IQSEC1: variants seen among roughly 807,000 people sequenced by gnomAD.
The protein encoded by IQSEC1 is IQ motif and SEC7 domain-containing protein 1.
In IQSEC1, 31 loss-of-function variants were observed where a neutral mutation model predicts 91.0. The ratio of observed to expected loss-of-function variants is 0.34; its 90% CI spans 0.26 to 0.46. The LOEUF is 0.46. Ranked by LOEUF, IQSEC1 falls within the 20% of genes least tolerant of loss-of-function variation. The pLI is 1.00. For synonymous variants in IQSEC1, 699 were observed against 662.6 expected (o/e 1.05, Z -0.84); for missense variants, 1,388 against 1,575.6 (o/e 0.88, Z 2.02).
chr3:12,972,096 TTTTTA>T (rs1028374793), intron 1 of IQSEC1, among the ~76,000 whole-genome samples: 4 of 151,820 alleles, frequency 2.6e-5, no homozygotes, highest in Non-Finnish European at 5.9e-5. Context: ...TTTTTTTTTT[TTTTTA>T]ATGTGCCAGT....
intron 1 of IQSEC1, among the ~76,000 whole-genome samples, chr3:13,172,288 G>A (rs943828450): frequency 2.6e-5 from 4 of 152,200 alleles, no homozygotes; most frequent in Non-Finnish European, 4.4e-5. Context: ...CATGGCCAGG[G>A]GTGTGGGAGC....
At chr3:13,109,839 G>A (rs1212651443) in intron 2 of IQSEC1, among the ~76,000 whole-genome samples, 1 of 150,812 alleles carries the variant, frequency 6.6e-6, no homozygotes, top group African/African-American at 2.4e-5. Flanking sequence ...TTTCTTTATA[G>A]CGGTGCAAGA....
At chr3:13,032,212 C>T (rs574591227) in intron 1 of IQSEC1, among the ~76,000 whole-genome samples, 138 of 152,350 alleles carry the variant, frequency 9.1e-4, no homozygotes, top group African/African-American at 2.8e-3. Context: ...GGCATAATCA[C>T]GGTTCCACTT....
chr3:13,214,373 G>A lies in IQSEC1; in HGVS notation c.273-50240C>T, dbSNP rs147966965. On this transcript the variant is annotated intron_variant, in intron 1 of 15. Transcript: ENST00000648114. This position sits in a 1 kb window ranked among gnomAD's most constrained non-coding sequence, Gnocchi z 4.5. Reference sequence around the variant, plus strand: ...GCTGCCCAGGCCGACTCCTCACCCCGTCCCACAGCCAGCACAGGCAGGCAC... The same window carrying A: ...GCTGCCCAGGCCGACTCCTCACCCCATCCCACAGCCAGCACAGGCAGGCAC... Among the ~76,000 whole-genome samples, 268 of 152,278 alleles carry A rather than the reference G, an allele frequency of 1.8e-3. 1 individual carries two copies. The highest frequency in any genetic ancestry group is 2.7e-3 in the African/African-American group (111 of 41,568).
At chr3:13,227,393 A>AAAG (rs1553576763) in intron 1 of IQSEC1, among the ~76,000 whole-genome samples, 40 of 140,894 alleles carry the variant, frequency 2.8e-4, no homozygotes, top group African/African-American at 8.3e-4. Flanking sequence ...AAAAAAAAAA[A>AAAG]AAAGAAAGAA....
At chr3:13,143,621 T>G (rs1706837389) in intron 2 of IQSEC1, among the ~76,000 whole-genome samples, 1 of 152,122 alleles carries the variant, frequency 6.6e-6, no homozygotes, top group Non-Finnish European at 1.5e-5. Flanking sequence ...TTGGCTAAGG[T>G]CTGGGCATGT....
rs1361938873 is a variant in IQSEC1 at position 13,282,787 on chromosome 3, G to T, written c.196C>A (p.Arg66Ser). The change falls in exon 1 of 16, where the codon CGC becomes AGC. Residue 66 changes from arginine to serine, a missense_variant. Arg to Ser is a moderately radical substitution (Grantham distance 110). Coordinates refer to the IQSEC1 transcript ENST00000648114. The surrounding 1 kb of genome is among the most constrained non-coding windows in gnomAD (Gnocchi z 6.4). ...GGGCCGGGGCCCGGGTCGGGGCGGC[G>T]GGCGCACGCGGCCAGGTGTCGCCGG... 6.8e-6 allele frequency among the ~76,000 whole-genome samples: 1 copy of T among 147,822 alleles called. No homozygotes were observed. The highest frequency in any genetic ancestry group is 2.4e-5 in the African/African-American group (1 of 40,888).
At chr3:13,011,144 C>T (rs11712537) in intron 1 of IQSEC1, among the ~76,000 whole-genome samples, 9,175 of 151,968 alleles carry the variant, frequency 0.06, 320 homozygotes, top group Non-Finnish European at 0.074. Flanking sequence ...CCTGGATTGA[C>T]TTGGGATTTG....
intron 1 of IQSEC1, among the ~76,000 whole-genome samples, chr3:13,036,218 A>T (rs540473217): frequency 1.2e-4 from 19 of 152,150 alleles, no homozygotes; most frequent in Non-Finnish European, 2.6e-4. Context: ...TGTGGAGGAG[A>T]CACGAGATAG....
chr3:13,038,566 G>C lies in IQSEC1; in HGVS notation c.23+34426C>G, dbSNP rs181956420. ...TACAAAAAATAGAAGGAATGAGTAA[G>C]TGAATAAGACTTACTATTTGATAGC... On this transcript the variant is annotated intron_variant, in intron 1 of 13. Transcript: ENST00000613206. 1.3e-4 allele frequency among the ~76,000 whole-genome samples: 20 copies of C among 152,082 alleles called. No homozygotes were observed. The East Asian group carries it at 3.1e-3, about 24-fold the overall frequency.
intron 1 of IQSEC1, among the ~76,000 whole-genome samples, chr3:13,187,036 T>G (rs900412423): frequency 3.3e-5 from 5 of 152,044 alleles, no homozygotes; most frequent in Admixed American, 2.6e-4. Context: ...TCCCCCTTCC[T>G]TCCTCTCCTT....
chr3:13,151,203 CATG>C (rs1204794378), intron 2 of IQSEC1, among the ~76,000 whole-genome samples: 3 of 152,214 alleles, frequency 2.0e-5, no homozygotes, highest in Non-Finnish European at 4.4e-5. Context: ...TCAGCAGCCA[CATG>C]CCCACCTAAC....
chr3:13,174,695 C>T (rs1430264022), intron 1 of IQSEC1, among the ~76,000 whole-genome samples: 2 of 152,180 alleles, frequency 1.3e-5, no homozygotes, highest in East Asian at 1.9e-4. Flanking sequence ...TCCCCAGCTC[C>T]ATGTCACCCC....
At chr3:13,012,964 CT>C (rs35541458) in intron 1 of IQSEC1, among the ~76,000 whole-genome samples, 98 of 97,494 alleles carry the variant, frequency 1.0e-3, no homozygotes, top group Admixed American at 1.4e-3. Context: ...AAAGTCTGGG[CT>C]TTTTTTTTTT....
At chr3:13,011,336 A>T (rs1702874640) in intron 1 of IQSEC1, among the ~76,000 whole-genome samples, 1 of 152,146 alleles carries the variant, frequency 6.6e-6, no homozygotes, top group African/African-American at 2.4e-5. Flanking sequence ...TTAAATTCAA[A>T]TTTATTTTAC....
chr3:12,900,670 G>C lies in IQSEC1; in HGVS notation c.*313C>G, dbSNP rs1694163044. ...TGTACATTAGGGCACAGGGAGCTGA[G>C]AGCTGGAGTGGGGGAGGCAGTTCAA... On this transcript the variant is annotated 3_prime_UTR_variant, in exon 14 of 14. Transcript: ENST00000613206. 5 of 1,299,026 alleles carry C rather than the reference G, an allele frequency of 3.8e-6. No homozygotes were observed. The highest frequency in any genetic ancestry group is 3.6e-5 in the South Asian group (2 of 55,072). The allele number at this position is 1,299,026 out of a possible 1,614,324, so 80.5% of individuals were successfully genotyped here.
intron 2 of IQSEC1, among the ~76,000 whole-genome samples, chr3:13,109,151 G>A (rs994089179): frequency 4.6e-5 from 7 of 152,196 alleles, no homozygotes; most frequent in South Asian, 2.1e-4. Context: ...AGGCATTACC[G>A]AGGGACTGGC....
intron 1 of IQSEC1, among the ~76,000 whole-genome samples, chr3:13,244,377 T>A (rs900954010): frequency 6.6e-6 from 1 of 152,182 alleles, no homozygotes; most frequent in African/African-American, 2.4e-5. Flanking sequence ...ATCGCTCCTC[T>A]ACAAAAGTGC....
intron 1 of IQSEC1, among the ~76,000 whole-genome samples, chr3:13,031,028 A>G (rs1472995263): frequency 6.6e-6 from 1 of 152,288 alleles, no homozygotes; most frequent in Middle Eastern, 3.2e-3. Flanking sequence ...ACTCCTTTAA[A>G]TGGAAAACTA....
Sources: allele counts gnomAD v4.1 joint callset (sites outside exome capture counted in the v4.1 genomes callset), GRCh38; gene constraint gnomAD v4.1.1; non-coding constraint Gnocchi (gnomAD v3.1); transcripts MANE v1.5; gene names NCBI Gene and HGNC (gene_info 2026-07-23, HGNC 2026-07-21).